TSPAN13: variants seen among roughly 807,000 people sequenced by gnomAD.
TSPAN13 encodes tetraspanin 13.
A neutral mutation model predicts 26.9 loss-of-function variants in TSPAN13; 18 were observed. The observed-to-expected ratio is 0.67, with a 90% confidence interval of 0.46 to 0.99. The LOEUF (loss-of-function observed/expected upper bound fraction) is 0.99. TSPAN13 is among the 50% of genes least tolerant of loss of function. The pLI is 0.00. For missense variants in TSPAN13, 201 were observed against 249.6 expected, an observed-to-expected ratio of 0.81 and a Z score of 1.31; for synonymous variants, 116 against 98.4, an observed-to-expected ratio of 1.18 and a Z score of -1.06.
At chr7:16,768,205 C>T (rs1168549305) in intron 1 of TSPAN13, among the ~76,000 whole-genome samples, 3 of 152,234 alleles carry the variant, frequency 2.0e-5, no homozygotes, top group African/African-American at 4.8e-5. Context: ...TGAGCCACCG[C>T]ACCTGGCCTG....
intron 5 of TSPAN13, among the ~76,000 whole-genome samples, chr7:16,782,726 T>C (rs1784827157): frequency 6.6e-6 from 1 of 152,190 alleles, no homozygotes; most frequent in Non-Finnish European, 1.5e-5. Context: ...TTACTTAAAT[T>C]TTACTGAACT....
chr7:16,765,190 C>A (rs1420989605), intron 1 of TSPAN13, among the ~76,000 whole-genome samples: 2 of 152,100 alleles, frequency 1.3e-5, no homozygotes, highest in Non-Finnish European at 2.9e-5. Flanking sequence ...GCAACCTTGA[C>A]CTCCTGGGCT....
intron 5 of TSPAN13, among the ~76,000 whole-genome samples, chr7:16,781,270 G>A (rs1390643523): frequency 6.6e-6 from 1 of 152,162 alleles, no homozygotes. Context: ...ATTTCCTTCT[G>A]CCCGTTCTAT....
At chr7:16,768,761 T>C (rs1482369374) in intron 1 of TSPAN13, among the ~76,000 whole-genome samples, 1 of 152,236 alleles carries the variant, frequency 6.6e-6, no homozygotes, top group Non-Finnish European at 1.5e-5. Context: ...AGTCTACTCT[T>C]TCTCTGCTGA....
chr7:16,760,279 A>G (rs1396038967), intron 1 of TSPAN13, among the ~76,000 whole-genome samples: 1 of 152,192 alleles, frequency 6.6e-6, no homozygotes, highest in Non-Finnish European at 1.5e-5. Flanking sequence ...GGCTATTGCT[A>G]TAATTTGCAC....
chr7:16,777,016 A>T (rs751192732), intron 2 of TSPAN13, 26 bp from the exon 3 acceptor site: 36 of 1,496,074 alleles, frequency 2.4e-5, no homozygotes, highest in Middle Eastern at 2.0e-4. Context: ...GAATATTTAG[A>T]AGTATCCTTA....
intron 1 of TSPAN13, among the ~76,000 whole-genome samples, chr7:16,771,609 A>C (rs1015064195): frequency 1.3e-5 from 2 of 152,228 alleles, no homozygotes; most frequent in Admixed American, 1.3e-4. Context: ...AAGGGGTTAT[A>C]TGCCAAGGAA....
At chr7:16,763,571 G>C (rs1178282376) in intron 1 of TSPAN13, among the ~76,000 whole-genome samples, 1 of 152,150 alleles carries the variant, frequency 6.6e-6, no homozygotes, top group Non-Finnish European at 1.5e-5. Context: ...ATGGCTACTG[G>C]CAGAATCAAT....
At chr7:16,774,711 C>T (rs1206577236) in intron 1 of TSPAN13, among the ~76,000 whole-genome samples, 1 of 152,146 alleles carries the variant, frequency 6.6e-6, no homozygotes, top group Non-Finnish European at 1.5e-5. Context: ...ATTTTTGCCT[C>T]TCCTTGTCCC....
chr7:16,764,790 T>A (rs1429178117), intron 1 of TSPAN13, among the ~76,000 whole-genome samples: 1 of 152,146 alleles, frequency 6.6e-6, no homozygotes, highest in Non-Finnish European at 1.5e-5. Flanking sequence ...ATTATTTTCC[T>A]AGGCACTATG....
At position 16,757,542 on chromosome 7, in the gene TSPAN13, A is replaced by C. The variant is rs1784493364; in HGVS notation, c.63+3512A>C. ...GTAGCTGACTTTGTTAAATAGAACC[A>C]AACTGAAAAATATGACCAAACATAT... is the stretch of plus-strand genomic sequence containing the variant. On this transcript the variant is annotated intron_variant, in intron 1 of 5. Coordinates refer to ENST00000262067, the MANE Select transcript of TSPAN13 (RefSeq NM_014399.4). Among the ~76,000 whole-genome samples the C allele has an allele frequency of 2.0e-5, 3 of 152,332 alleles. No homozygotes were observed. In the South Asian group the frequency reaches 6.2e-4, roughly 32 times the overall value.
intron 1 of TSPAN13, among the ~76,000 whole-genome samples, chr7:16,765,548 CT>C (rs1193496679): frequency 1.3e-5 from 2 of 152,194 alleles, no homozygotes; most frequent in Non-Finnish European, 2.9e-5. Flanking sequence ...GTTTTAGACA[CT>C]TTTTATGACC....
At position 16,776,323 on chromosome 7, in the gene TSPAN13, T is replaced by C; in HGVS notation, c.176T>C (p.Ile59Thr). The C allele has an allele frequency of 1.9e-6, 3 of 1,614,198 alleles. No homozygotes were observed. The highest frequency in any genetic ancestry group is 2.5e-6 in the Non-Finnish European group (3 of 1,180,028). ...VIAVGIFLFL[I>T]ALVGLIGAVK... is the part of the protein sequence containing the mutation. ...GCAGTGGGCATCTTCTTGTTCCTGATTGCTTTAGTGGGTCTGATTGGAGCT... is the reference window on the plus strand; with the variant it reads ...GCAGTGGGCATCTTCTTGTTCCTGACTGCTTTAGTGGGTCTGATTGGAGCT... The change falls in exon 2 of 6, where the codon ATT becomes ACT. Residue 59 changes from isoleucine (I) to threonine (T), a missense_variant. Ile to Thr is a moderately conservative substitution (Grantham distance 89). Coordinates refer to ENST00000262067, the MANE Select transcript of TSPAN13 (RefSeq NM_014399.4).
At chr7:16,754,415 G>C (rs1483708490) in intron 1 of TSPAN13, among the ~76,000 whole-genome samples, 1 of 152,178 alleles carries the variant, frequency 6.6e-6, no homozygotes, top group East Asian at 1.9e-4. Context: ...GTGGAGGCGC[G>C]AGAGCCGTCA....
At chr7:16,765,217 A>C (rs901381695) in intron 1 of TSPAN13, among the ~76,000 whole-genome samples, 2 of 152,092 alleles carry the variant, frequency 1.3e-5, no homozygotes, top group African/African-American at 4.8e-5. Context: ...ATCCTGAGTC[A>C]GTCTCCCAAG....
chr7:16,771,398 T>C (rs536138127), intron 1 of TSPAN13, among the ~76,000 whole-genome samples: 1 of 152,200 alleles, frequency 6.6e-6, no homozygotes, highest in Non-Finnish European at 1.5e-5. Context: ...ACAAACACGT[T>C]ACTTTACATA....
intron 1 of TSPAN13, among the ~76,000 whole-genome samples, chr7:16,760,626 G>C (rs1784532410): frequency 6.6e-6 from 1 of 152,154 alleles, no homozygotes; most frequent in African/African-American, 2.4e-5. Flanking sequence ...GGTAGATGGA[G>C]AAGGGCAGTG....
At chr7:16,774,797 A>G (rs1370883175) in intron 1 of TSPAN13, among the ~76,000 whole-genome samples, 1 of 152,188 alleles carries the variant, frequency 6.6e-6, no homozygotes, top group Admixed American at 6.5e-5. Context: ...TAATTTGATT[A>G]TATTATGCTA....
chr7:16,759,478 G>C (rs1784517396), intron 1 of TSPAN13, among the ~76,000 whole-genome samples: 1 of 152,164 alleles, frequency 6.6e-6, no homozygotes, highest in Middle Eastern at 3.4e-3. Context: ...ACCATTCATG[G>C]GGGATCCACC....
Sources: gnomAD v4.1 joint callset for allele counts (sites outside exome capture counted in the v4.1 genomes callset) on GRCh38, gnomAD v4.1.1 for gene constraint, MANE v1.5 for transcripts, NCBI Gene and HGNC (gene_info 2026-07-23, HGNC 2026-07-21) for gene names.